Variants in STPG2 observed in about 807,000 individuals in gnomAD.
STPG2 encodes the protein sperm-tail PG-rich repeat-containing protein 2.
STPG2 carries 56 observed loss-of-function variants against 54.2 expected under a neutral mutation model. The observed-to-expected ratio is 1.03, with a 90% CI of 0.83 to 1.29. The LOEUF (loss-of-function observed/expected upper bound fraction) is 1.29, where lower values mean the gene tolerates loss of function less well. Among genes scored for constraint, STPG2 ranks in the 50% most tolerant of loss-of-function variants. The pLI is 0.00. For synonymous variants in STPG2, 200 were observed against 181.8 expected, an observed-to-expected ratio of 1.10 and a Z score of -0.81; for missense variants, 596 against 544.9, an observed-to-expected ratio of 1.09 and a Z score of -0.93.
At chr4:97,532,069 T>G (rs1731427260) in intron 4 of STPG2, among the ~76,000 whole-genome samples, 1 of 152,170 alleles carries the variant, frequency 6.6e-6, no homozygotes, top group African/African-American at 2.4e-5. Flanking sequence ...TTTAACAATT[T>G]GAATTCATTA....
At chr4:97,986,216 T>TC (rs1289767123) in intron 5 of STPG2, among the ~76,000 whole-genome samples, 1 of 152,230 alleles carries the variant, frequency 6.6e-6, no homozygotes, top group Non-Finnish European at 1.5e-5. Flanking sequence ...TATAGTCACC[T>TC]GAAGGTTAAT....
chr4:97,890,870 G>A (rs530063807), intron 8 of STPG2, among the ~76,000 whole-genome samples: 2 of 151,770 alleles, frequency 1.3e-5, no homozygotes, highest in South Asian at 4.1e-4. Context: ...ATATACATCA[G>A]CACATGTACA....
chr4:98,019,694 G>A (rs1023742046), intron 5 of STPG2, among the ~76,000 whole-genome samples: 1 of 133,174 alleles, frequency 7.5e-6, no homozygotes, highest in Admixed American at 7.3e-5. Flanking sequence ...TTATTTCATT[G>A]AGCAGTGGTT....
At chr4:97,767,304 G>C (rs907978244) in intron 9 of STPG2, among the ~76,000 whole-genome samples, 4 of 152,084 alleles carry the variant, frequency 2.6e-5, no homozygotes, top group African/African-American at 9.7e-5. Flanking sequence ...AAGAAGTGCA[G>C]TCACTGAAAC....
At chr4:97,743,101 G>T (rs1294580093) in intron 9 of STPG2, among the ~76,000 whole-genome samples, 1 of 151,778 alleles carries the variant, frequency 6.6e-6, no homozygotes, top group South Asian at 2.1e-4. Flanking sequence ...CAGGTATACA[G>T]TGAGACAGTA....
At chr4:98,055,982 C>G (rs920535072) in intron 5 of STPG2, among the ~76,000 whole-genome samples, 2 of 152,174 alleles carry the variant, frequency 1.3e-5, no homozygotes, top group African/African-American at 4.8e-5. Flanking sequence ...CCACATACTC[C>G]CTCCCCATAC....
chr4:97,564,707 T>G (rs372907265), intron 10 of STPG2, among the ~76,000 whole-genome samples: 43 of 152,118 alleles, frequency 2.8e-4, no homozygotes, highest in East Asian at 5.8e-4. Flanking sequence ...TAGTTTGGCT[T>G]GATATGAAAT....
chr4:97,639,385 C>T (rs1000056527), intron 10 of STPG2, among the ~76,000 whole-genome samples: 2 of 151,800 alleles, frequency 1.3e-5, no homozygotes, highest in African/African-American at 4.8e-5. Flanking sequence ...GGGAGATATA[C>T]CTAATGCTAG....
chr4:97,616,623 A>C (rs2148920041), intron 10 of STPG2, among the ~76,000 whole-genome samples: 1 of 152,250 alleles, frequency 6.6e-6, no homozygotes, highest in South Asian at 2.1e-4. Context: ...GCTGGAACTC[A>C]GAATTGCATG....
At chr4:97,878,325 G>A (rs1231683000) in intron 8 of STPG2, among the ~76,000 whole-genome samples, 2 of 152,176 alleles carry the variant, frequency 1.3e-5, no homozygotes, top group Non-Finnish European at 2.9e-5. Flanking sequence ...TGTGTGCGGG[G>A]ACTCACACCC....
At chr4:98,028,548 G>A (rs577365147) in intron 5 of STPG2, among the ~76,000 whole-genome samples, 43 of 151,932 alleles carry the variant, frequency 2.8e-4, no homozygotes, top group Admixed American at 7.2e-4. Flanking sequence ...TATCTTTAAC[G>A]TCCATATTTC....
At chr4:97,602,343 T>G (rs1733484495) in intron 10 of STPG2, among the ~76,000 whole-genome samples, 1 of 151,804 alleles carries the variant, frequency 6.6e-6, no homozygotes, top group South Asian at 2.1e-4. Flanking sequence ...TTTTTGTTCT[T>G]TAAAACTCCA....
At chr4:97,735,583 GTATATATT>G (rs1180980535) in intron 9 of STPG2, among the ~76,000 whole-genome samples, 1 of 147,730 alleles carries the variant, frequency 6.8e-6, no homozygotes, top group Non-Finnish European at 1.5e-5. Flanking sequence ...TTATATATAT[GTATATATT>G]TATATATTTA....
chr4:98,052,886 T>G (rs766763837), intron 5 of STPG2, among the ~76,000 whole-genome samples: 1 of 152,212 alleles, frequency 6.6e-6, no homozygotes, highest in Non-Finnish European at 1.5e-5. Flanking sequence ...TAAATTTGAC[T>G]GGCTTTCAAA....
intron 10 of STPG2, among the ~76,000 whole-genome samples, chr4:97,603,519 T>A (rs1733517504): frequency 6.6e-6 from 1 of 151,580 alleles, no homozygotes; most frequent in African/African-American, 2.4e-5. Flanking sequence ...ACCTCCACAG[T>A]AGCATTATTC....
At chr4:97,740,218 A>C (rs1373418652) in intron 9 of STPG2, among the ~76,000 whole-genome samples, 6 of 152,228 alleles carry the variant, frequency 3.9e-5, no homozygotes, top group Non-Finnish European at 1.5e-5. Flanking sequence ...GTATCTCAAA[A>C]TAATAACAGC....
chr4:98,007,593 T>C (rs536261546), intron 5 of STPG2, among the ~76,000 whole-genome samples: 1 of 152,232 alleles, frequency 6.6e-6, no homozygotes, highest in South Asian at 2.1e-4. Context: ...ACTAACTCTC[T>C]AGCAATGGAT....
chr4:97,543,029 C>T (rs1293892012), intron 4 of STPG2, among the ~76,000 whole-genome samples: 6 of 151,720 alleles, frequency 4.0e-5, no homozygotes, highest in African/African-American at 2.4e-5. Flanking sequence ...ATGTAAATGA[C>T]GAGTTAATGG....
intron 8 of STPG2, among the ~76,000 whole-genome samples, chr4:97,900,820 G>A (rs753943804): frequency 2.6e-5 from 4 of 151,906 alleles, no homozygotes; most frequent in Non-Finnish European, 5.9e-5. Context: ...ATAACTGTTG[G>A]GTATTGGACT....
Sources: gnomAD v4.1 joint callset for allele counts (sites outside exome capture counted in the v4.1 genomes callset) on GRCh38, gnomAD v4.1.1 for gene constraint, MANE v1.5 for transcripts, NCBI Gene and HGNC (gene_info 2026-07-23, HGNC 2026-07-21) for gene names.